The following PTPN4 variants were observed in gnomAD, a reference collection of about 807,000 sequenced individuals.
The protein encoded by PTPN4 is tyrosine-protein phosphatase non-receptor type 4.
In PTPN4, 49 loss-of-function variants were observed where a neutral mutation model predicts 135.5. The ratio of observed to expected loss-of-function variants is 0.36; its 90% CI spans 0.29 to 0.46. PTPN4 has a LOEUF of 0.46. Ranked by LOEUF, PTPN4 falls within the 20% of genes least tolerant of loss-of-function variation. PTPN4 has a pLI of 1.00. For missense variants in PTPN4, 860 were observed against 1,101.0 expected (o/e 0.78, Z 3.10); for synonymous variants, 333 against 369.9 (o/e 0.90, Z 1.14).
intron 1 of PTPN4, among the ~76,000 whole-genome samples, chr2:119,806,381 T>G (rs968171811): frequency 5.9e-5 from 9 of 152,040 alleles, no homozygotes; most frequent in Middle Eastern, 3.4e-3. Flanking sequence ...GATGGAGGAA[T>G]ATCTAACAAG....
chr2:119,771,773 C>G (rs752928161), intron 1 of PTPN4, among the ~76,000 whole-genome samples: 2 of 152,182 alleles, frequency 1.3e-5, no homozygotes, highest in Non-Finnish European at 2.9e-5. Flanking sequence ...GGCAAAACTT[C>G]TGAAATTATT....
chr2:119,974,945 A>G (rs1280657981), intron 26 of PTPN4, among the ~76,000 whole-genome samples: 1 of 152,218 alleles, frequency 6.6e-6, no homozygotes, highest in Non-Finnish European at 1.5e-5. Flanking sequence ...GACTTAGAAT[A>G]TCACAAATAC....
At chr2:119,797,484 A>C (rs1313463832) in intron 1 of PTPN4, among the ~76,000 whole-genome samples, 2 of 152,218 alleles carry the variant, frequency 1.3e-5, no homozygotes, top group East Asian at 3.8e-4. Flanking sequence ...TGTTCCTGAT[A>C]TTAGATGAAA....
chr2:119,821,757 G>A (rs552405296), intron 2 of PTPN4, among the ~76,000 whole-genome samples: 3 of 152,150 alleles, frequency 2.0e-5, no homozygotes, highest in Non-Finnish European at 4.4e-5. Flanking sequence ...TGTGGGATGT[G>A]TGCTAGTTCT....
At chr2:119,853,765 TCTTTCTTCTTTTCTGTTGTTCCAA>T (rs1677632166) in intron 2 of PTPN4, among the ~76,000 whole-genome samples, 1 of 152,224 alleles carries the variant, frequency 6.6e-6, no homozygotes. Flanking sequence ...ATTTCATTAC[TCTTTCTTCTTTTCTGTTGTTCCAA>T]GTTTCTTCAT....
chr2:119,832,568 A>T (rs1026553627), intron 2 of PTPN4, among the ~76,000 whole-genome samples: 14 of 151,756 alleles, frequency 9.2e-5, no homozygotes. Context: ...TTTATATTGA[A>T]TTTTTCTGTA....
At chr2:119,873,754 CAG>C (rs1677947129) in intron 3 of PTPN4, among the ~76,000 whole-genome samples, 1 of 152,120 alleles carries the variant, frequency 6.6e-6, no homozygotes, top group African/African-American at 2.4e-5. Context: ...TATTGTATTG[CAG>C]ACAGTTCAGC....
intron 24 of PTPN4, among the ~76,000 whole-genome samples, chr2:119,963,781 A>G (rs1168064926): frequency 6.6e-6 from 1 of 152,222 alleles, no homozygotes; most frequent in Non-Finnish European, 1.5e-5. Context: ...AGGTCAAGCC[A>G]ATATGATATT....
At chr2:119,974,361 G>A (rs779560028) in intron 26 of PTPN4, among the ~76,000 whole-genome samples, 3 of 152,070 alleles carry the variant, frequency 2.0e-5, no homozygotes, top group East Asian at 1.9e-4. Context: ...GCAGGCGCCC[G>A]CCACCAGGCC....
chr2:119,950,162 C>T (rs200922776), intron 18 of PTPN4, among the ~76,000 whole-genome samples: 3 of 152,140 alleles, frequency 2.0e-5, no homozygotes, highest in Admixed American at 6.5e-5. Context: ...TGAGGAAAAG[C>T]TCTGTCTGCT....
At chr2:119,821,969 T>G (rs1047220971) in intron 2 of PTPN4, among the ~76,000 whole-genome samples, 2 of 152,154 alleles carry the variant, frequency 1.3e-5, no homozygotes, top group Non-Finnish European at 2.9e-5. Context: ...TTAAAACGTG[T>G]TTTCCTTTTC....
chr2:119,965,513 C>T lies in PTPN4; in HGVS notation c.2426C>T (p.Pro809Leu), dbSNP rs1679433899. ...TGTTCTTAGAAAAATGAAAGTCGTC[C>T]ACTCACTCAGATCCAGTACATAGCC... ...LFNQEKNESR[P>L]LTQIQYIAWP... Residue 809 changes from proline (P) to leucine (L), a missense_variant, in exon 25 of 27, where the codon CCA becomes CTA. Pro to Leu is a moderately conservative substitution (Grantham distance 98). Around this residue, in one of 2 missense-constraint regions of PTPN4, gnomAD observed 176 missense variants for 294.1 expected, o/e 0.60. Transcript: ENST00000263708. The T allele has an allele frequency of 3.1e-6, 5 of 1,601,834 alleles. No individual in the cohort carries two copies. Among genetic ancestry groups the T allele is most frequent in the Non-Finnish European group, 3.4e-6 (4 of 1,176,512 alleles).
chr2:119,955,406 C>T (rs961735559), intron 20 of PTPN4, 83 bp downstream of exon 20: 3 of 1,081,490 alleles, frequency 2.8e-6, no homozygotes, highest in Non-Finnish European at 3.6e-6. Context: ...CTAATCTGTG[C>T]ATTATAATTT....
chr2:119,815,181 C>T (rs1252188804), intron 2 of PTPN4, among the ~76,000 whole-genome samples: 1 of 152,210 alleles, frequency 6.6e-6, no homozygotes, highest in East Asian at 1.9e-4. Context: ...TGATTTTATA[C>T]ATCTTTATTT....
At chr2:119,920,391 C>G (rs958236245) in intron 12 of PTPN4, 150 bp downstream of exon 12, 1 of 814,392 alleles carries the variant, frequency 1.2e-6, no homozygotes, top group East Asian at 2.8e-5. Context: ...ATATCAGTAT[C>G]ATTAAAAAGT....
At chr2:119,789,119 C>T (rs1368946779) in intron 1 of PTPN4, among the ~76,000 whole-genome samples, 1 of 150,598 alleles carries the variant, frequency 6.6e-6, no homozygotes, top group Non-Finnish European at 1.5e-5. Context: ...TAGTAACCAT[C>T]TAAATAAGTG....
intron 1 of PTPN4, among the ~76,000 whole-genome samples, chr2:119,779,373 T>C (rs562049622): frequency 6.6e-6 from 1 of 152,276 alleles, no homozygotes; most frequent in East Asian, 1.9e-4. Flanking sequence ...ATCCCAGCAC[T>C]TTGGGAGCCC....
chr2:119,960,755 T>C, intron 22 of PTPN4, 52 bp from the exon 23 acceptor site: 1 of 1,566,008 alleles, frequency 6.4e-7, no homozygotes. Context: ...TATTCCTGAT[T>C]ACTGTAAAAA....
Position 119,981,633 on chromosome 2 carries a change from AC to A in PTPN4, c.*4566del, listed in dbSNP as rs1380805478. Reference sequence around the variant, plus strand: ...AATAATTTCAGCAATTTTATTAAGAACCCAGTAAATTAATCCCTAATTTGTA... The same window carrying A: ...AATAATTTCAGCAATTTTATTAAGAACCAGTAAATTAATCCCTAATTTGTA... On this transcript the variant is annotated 3_prime_UTR_variant, in exon 27 of 27. Coordinates refer to ENST00000263708, the MANE Select transcript of PTPN4 (RefSeq NM_002830.4). The A allele has an allele frequency of 6.6e-6, 1 of 152,076 alleles. No homozygotes were observed. The highest frequency in any genetic ancestry group is 1.5e-5 in the Non-Finnish European group (1 of 67,958). 9.4% of individuals were successfully genotyped at this position (152,076 alleles called of 1,614,324 possible). A position where few individuals can be genotyped will look rare whatever the true frequency, so the allele number is the denominator to read the frequency against.
Sources: allele counts gnomAD v4.1 joint callset (sites outside exome capture counted in the v4.1 genomes callset), GRCh38; gene constraint gnomAD v4.1.1; regional missense constraint gnomAD v4.1.1; transcripts MANE v1.5; gene names NCBI Gene and HGNC (gene_info 2026-07-23, HGNC 2026-07-21).